The following RBFOX1 variants were observed in gnomAD, a reference collection of about 807,000 sequenced individuals.
RBFOX1 encodes RNA binding protein fox-1 homolog 1.
RBFOX1 carries 8 observed loss-of-function variants against 57.7 expected under a neutral mutation model. The ratio of observed to expected loss-of-function variants is 0.14; its 90% CI spans 0.08 to 0.25. RBFOX1 has a LOEUF of 0.25. RBFOX1 is among the 10% of genes least tolerant of loss of function. The pLI, the probability that RBFOX1 is intolerant of heterozygous loss-of-function variation, is 1.00. For synonymous variants in RBFOX1, 326 were observed against 222.4 expected, an observed-to-expected ratio of 1.47 and a Z score of -4.15; for missense variants, 611 against 548.5, an observed-to-expected ratio of 1.11 and a Z score of -1.14.
intron 4 of RBFOX1, among the ~76,000 whole-genome samples, chr16:7,315,350 A>C (rs544574545): frequency 2.0e-5 from 3 of 152,122 alleles, no homozygotes; most frequent in Non-Finnish European, 4.4e-5. Flanking sequence ...AAAAAGAAAG[A>C]TACGTAAGGC....
intron 1 of RBFOX1, among the ~76,000 whole-genome samples, chr16:6,132,297 A>G (rs983673081): frequency 6.7e-6 from 1 of 150,350 alleles, no homozygotes; most frequent in African/African-American, 2.5e-5. Flanking sequence ...CTCTGTGACT[A>G]GTTTTGCTCA....
At chr16:6,830,140 T>A (rs1166999896) in intron 3 of RBFOX1, among the ~76,000 whole-genome samples, 2 of 151,888 alleles carry the variant, frequency 1.3e-5, no homozygotes, top group African/African-American at 4.8e-5. Flanking sequence ...TGGTCTTGAA[T>A]TCCTGACCTC....
intron 4 of RBFOX1, among the ~76,000 whole-genome samples, chr16:7,504,994 A>T (rs1380539851): frequency 6.7e-6 from 1 of 149,988 alleles, no homozygotes; most frequent in Non-Finnish European, 1.5e-5. Flanking sequence ...CAATGTTAGG[A>T]TATTCTAATG....
At chr16:6,196,941 G>A (rs1225405127) in intron 1 of RBFOX1, among the ~76,000 whole-genome samples, 1 of 152,092 alleles carries the variant, frequency 6.6e-6, no homozygotes, top group Non-Finnish European at 1.5e-5. Flanking sequence ...ACATCATTCA[G>A]TGACATTCTT....
intron 3 of RBFOX1, among the ~76,000 whole-genome samples, chr16:6,805,946 T>G (rs2086669490): frequency 6.6e-6 from 1 of 152,200 alleles, no homozygotes; most frequent in East Asian, 1.9e-4. Flanking sequence ...ACCATAGAAT[T>G]CCAAAAGCCA....
chr16:6,025,213 A>T (rs147495998), intron 1 of RBFOX1, among the ~76,000 whole-genome samples: 7 of 152,206 alleles, frequency 4.6e-5, no homozygotes, highest in Non-Finnish European at 8.8e-5. Context: ...CAAAGTTTCA[A>T]TTCATTTCTA....
intron 4 of RBFOX1, among the ~76,000 whole-genome samples, chr16:5,892,195 C>A (rs967364725): frequency 7.9e-5 from 12 of 152,120 alleles, no homozygotes; most frequent in African/African-American, 2.7e-4. Context: ...GAGGGGCTGG[C>A]AGTGCTAGGT....
At chr16:7,376,433 A>C (rs1179505855) in intron 4 of RBFOX1, among the ~76,000 whole-genome samples, 2 of 152,188 alleles carry the variant, frequency 1.3e-5, no homozygotes, top group East Asian at 1.9e-4. Context: ...CACTGGAGAT[A>C]AGAACAGGTT....
chr16:7,463,392 T>C (rs1209838713), intron 4 of RBFOX1, among the ~76,000 whole-genome samples: 3 of 152,162 alleles, frequency 2.0e-5, no homozygotes, highest in Middle Eastern at 3.2e-3. Context: ...TAATCTCCGA[T>C]ACTCGGGAGG....
chr16:7,458,748 G>C (rs1408147801), intron 4 of RBFOX1, among the ~76,000 whole-genome samples: 1 of 151,880 alleles, frequency 6.6e-6, no homozygotes, highest in Non-Finnish European at 1.5e-5. Flanking sequence ...TTTCAGATAA[G>C]ACCTCCTTGA....
chr16:7,032,994 GA>G (rs966719096), intron 3 of RBFOX1, among the ~76,000 whole-genome samples: 1 of 152,140 alleles, frequency 6.6e-6, no homozygotes, highest in African/African-American at 2.4e-5. Flanking sequence ...TAAATGGCTG[GA>G]AATCAGCTCA....
intron 11 of RBFOX1, among the ~76,000 whole-genome samples, chr16:7,643,773 G>A (rs887024805): frequency 2.6e-5 from 4 of 152,142 alleles, no homozygotes; most frequent in African/African-American, 9.7e-5. Flanking sequence ...GATCCCTATG[G>A]CCGGCATCCA....
intron 2 of RBFOX1, among the ~76,000 whole-genome samples, chr16:6,435,488 G>C (rs1262580491): frequency 1.3e-5 from 2 of 152,048 alleles, no homozygotes; most frequent in Admixed American, 6.5e-5. Flanking sequence ...TTTTTCATTA[G>C]AGGTGGGGTT....
chr16:6,511,691 C>A (rs758989584), intron 2 of RBFOX1, among the ~76,000 whole-genome samples: 48 of 152,264 alleles, frequency 3.2e-4, no homozygotes, highest in Non-Finnish European at 5.6e-4. Flanking sequence ...TTATTAAAGG[C>A]TGTGGTGATA....
chr16:6,775,124 G>A (rs764603321), intron 3 of RBFOX1, among the ~76,000 whole-genome samples: 2 of 147,738 alleles, frequency 1.4e-5, no homozygotes, highest in Non-Finnish European at 3.0e-5. Context: ...AGGAGATCCA[G>A]ACCATCCTGG....
chr16:6,877,031 T>C (rs2061971559), intron 3 of RBFOX1, among the ~76,000 whole-genome samples: 1 of 152,214 alleles, frequency 6.6e-6, no homozygotes, highest in South Asian at 2.1e-4. Flanking sequence ...TATTGTTTCT[T>C]ATTAAATATT....
chr16:5,390,147 G>A (rs1350021486), intron 1 of RBFOX1, among the ~76,000 whole-genome samples: 1 of 152,020 alleles, frequency 6.6e-6, no homozygotes, highest in Non-Finnish European at 1.5e-5. Context: ...TCGCACCCAG[G>A]TTAGGAAAAT....
chr16:5,742,975 C>T (rs930813026), intron 3 of RBFOX1, among the ~76,000 whole-genome samples: 2 of 152,164 alleles, frequency 1.3e-5, no homozygotes, highest in Admixed American at 6.5e-5. Flanking sequence ...TGTGCTGGGT[C>T]AGGCAGGAGG....
At chr16:7,668,728 T>C (rs2070328085) in intron 13 of RBFOX1, among the ~76,000 whole-genome samples, 1 of 152,192 alleles carries the variant, frequency 6.6e-6, no homozygotes, top group Non-Finnish European at 1.5e-5. Flanking sequence ...TAATGAAACA[T>C]ATCAAATCTT....
Sources: gnomAD v4.1 joint callset for allele counts (sites outside exome capture counted in the v4.1 genomes callset) on GRCh38, gnomAD v4.1.1 for gene constraint, MANE v1.5 for transcripts, NCBI Gene and HGNC (gene_info 2026-07-23, HGNC 2026-07-21) for gene names.